The following CHST12 variants were observed in gnomAD, a reference collection of about 807,000 sequenced individuals.
The protein encoded by CHST12 is carbohydrate (chondroitin 4) sulfotransferase 12.
CHST12 carries 23 observed loss-of-function variants against 27.9 expected under a neutral mutation model. The observed-to-expected ratio is 0.82, with a 90% CI of 0.59 to 1.17. The LOEUF is 1.17. Among genes scored for constraint, CHST12 ranks in the 50% most tolerant of loss-of-function variants. CHST12 has a pLI of 0.00. For synonymous variants in CHST12, 322 were observed against 273.0 expected (o/e 1.18, Z -1.77); for missense variants, 682 against 603.0 (o/e 1.13, Z -1.37).
At chr7:2,419,134 C>T (rs1048848409) in intron 1 of CHST12, among the ~76,000 whole-genome samples, 5 of 152,160 alleles carry the variant, frequency 3.3e-5, no homozygotes, top group East Asian at 1.9e-4. Context: ...CTTGGCTGGG[C>T]GTGGTGGCTC....
rs539315666 is a variant in CHST12, at chr7:2,433,976, C to G, written c.*92C>G. 26 of 1,013,290 alleles carry G rather than the reference C, an allele frequency of 2.6e-5. No homozygotes were observed. The African/African-American group carries it at 3.9e-4, about 15-fold the overall frequency. The allele number at this position is 1,013,290 out of a possible 1,614,324, so 62.8% of individuals were successfully genotyped here. A position where few individuals can be genotyped will look rare whatever the true frequency, so the allele number is the denominator to read the frequency against. On this transcript the variant is annotated 3_prime_UTR_variant, in exon 2 of 2. Transcript: ENST00000618655. The surrounding 1 kb of genome is among the most constrained non-coding windows in gnomAD (Gnocchi z 6.1). ...ACCTACGATTTTGCAATCTGGGCTT[C>G]TTGTTCACTCCACTGCCTCTATCCA...
chr7:2,439,307 T>C lies in CHST12; in HGVS notation c.*5423T>C, dbSNP rs1782545629. ...TCATGAGATTTTAGAAACATGTTCT[T>C]ACTCTGCCAGGACCCAGGGATAGGT... On this transcript the variant is annotated 3_prime_UTR_variant, in exon 2 of 2. Transcript: ENST00000618655. 6.6e-6 allele frequency: 1 copy of C among 152,148 alleles called. No homozygotes were observed. The highest frequency in any genetic ancestry group is 6.5e-5 in the Admixed American group (1 of 15,270). 9.4% of individuals were successfully genotyped at this position (152,148 alleles called of 1,614,324 possible).
intron 1 of CHST12, among the ~76,000 whole-genome samples, chr7:2,416,758 G>A (rs188679279): frequency 7.8e-4 from 119 of 152,332 alleles, no homozygotes; most frequent in African/African-American, 2.8e-3. Flanking sequence ...GGGAAGAGGG[G>A]AAGAAAAGGA....
At position 2,432,582 on chromosome 7, in the gene CHST12, G is replaced by C; in HGVS notation, c.-58G>C. On this transcript the variant is annotated 5_prime_UTR_variant, in exon 2 of 2. Coordinates refer to ENST00000618655, the MANE Select transcript of CHST12 (RefSeq NM_018641.5). ...CTGCAGGTTCCCAGCAGGATGCCCC[G>C]GCTCTGCAGGAAGCTGAAGTGAGAG... 3.2e-6 allele frequency: 5 copies of C among 1,543,346 alleles called. No individual in the cohort carries two copies. Among genetic ancestry groups the C allele is most frequent in the Non-Finnish European group, 4.4e-6 (5 of 1,140,410 alleles).
At chr7:2,411,347 G>T (rs1430402959) in intron 1 of CHST12, among the ~76,000 whole-genome samples, 2 of 152,134 alleles carry the variant, frequency 1.3e-5, no homozygotes, top group African/African-American at 4.8e-5. Context: ...CACCTAAAGT[G>T]TTGGGATTAC....
At chr7:2,426,785 G>C (rs1281987280) in intron 1 of CHST12, among the ~76,000 whole-genome samples, 3 of 152,094 alleles carry the variant, frequency 2.0e-5, no homozygotes, top group Non-Finnish European at 4.4e-5. Flanking sequence ...GAGGTCAGGA[G>C]TTCAAGACCA....
intron 1 of CHST12, among the ~76,000 whole-genome samples, chr7:2,411,490 C>T (rs75564592): frequency 3.2e-4 from 28 of 87,534 alleles, no homozygotes; most frequent in Admixed American, 1.2e-3. Flanking sequence ...TAACTTAACT[C>T]TTTTTTTTTT....
At chr7:2,404,631 C>G (rs1349254808) in intron 1 of CHST12, among the ~76,000 whole-genome samples, 1 of 152,180 alleles carries the variant, frequency 6.6e-6, no homozygotes, top group Non-Finnish European at 1.5e-5. Context: ...CCGTGAGCAT[C>G]TGGTGTTGGG....
Position 2,436,865 on chromosome 7 carries a change from C to T in CHST12, c.*2981C>T, listed in dbSNP as rs1424924599. 2.0e-5 allele frequency: 3 copies of T among 152,210 alleles called. No homozygotes were observed. Among genetic ancestry groups the T allele is most frequent in the African/African-American group, 7.2e-5 (3 of 41,446 alleles). The allele number at this position is 152,210 out of a possible 1,614,324, so 9.4% of individuals were successfully genotyped here. On this transcript the variant is annotated 3_prime_UTR_variant, in exon 2 of 2. Transcript: ENST00000618655. The stretch of plus-strand genomic sequence containing the variant: ...GAAGACACCACCCACATCCACGCAC[C>T]TGCTCAGATTCCCGGGCCATGGTCG...
chr7:2,413,363 ATTTTCT>A (rs1562510333), intron 1 of CHST12, among the ~76,000 whole-genome samples: 1 of 152,128 alleles, frequency 6.6e-6, no homozygotes, highest in African/African-American at 2.4e-5. Flanking sequence ...AACCACAAAC[ATTTTCT>A]TTTTAACTTT....
intron 1 of CHST12, among the ~76,000 whole-genome samples, chr7:2,422,573 G>A (rs1472712044): frequency 7.1e-6 from 1 of 140,558 alleles, no homozygotes; most frequent in Non-Finnish European, 1.5e-5. Flanking sequence ...GTCTTGTTCC[G>A]TCACCAGGCT....
In CHST12 at chr7:2,446,718, T is replaced by C. The variant is rs1424939408; in HGVS notation, c.*12834T>C. ...GGAATCCCCCCACCAAGGGACAGAG[T>C]GCAAGGACATGATCGAACAGAAAAA... is the stretch of plus-strand genomic sequence containing the variant. On this transcript the variant is annotated 3_prime_UTR_variant, in exon 2 of 2. Coordinates refer to ENST00000618655, the MANE Select transcript of CHST12 (RefSeq NM_018641.5). The C allele has an allele frequency of 6.5e-6, 1 of 152,756 alleles. No homozygotes were observed. The highest frequency in any genetic ancestry group is 2.4e-5 in the African/African-American group (1 of 41,422). 9.5% of individuals were successfully genotyped at this position (152,756 alleles called of 1,614,324 possible). A position where few individuals can be genotyped will look rare whatever the true frequency, so the allele number is the denominator to read the frequency against.
intron 1 of CHST12, among the ~76,000 whole-genome samples, chr7:2,413,164 C>T (rs957978839): frequency 6.6e-6 from 1 of 152,336 alleles, no homozygotes; most frequent in African/African-American, 2.4e-5. Context: ...CATAAAATGA[C>T]TTGGCCCAGG....
intron 1 of CHST12, among the ~76,000 whole-genome samples, chr7:2,413,276 G>A (rs1781714683): frequency 6.6e-6 from 1 of 152,192 alleles, no homozygotes; most frequent in Non-Finnish European, 1.5e-5. Context: ...CTTCTGTACT[G>A]TGGAAATTGG....
Position 2,443,054 on chromosome 7 carries a change from T to G in CHST12, c.*9170T>G, listed in dbSNP as rs1782658391. ...CTCCTGCCTCAGCCTCCCAAGTAGC[T>G]GGGATTACAGGTGCCCGCCACCATG... On this transcript the variant is annotated 3_prime_UTR_variant, in exon 2 of 2. Transcript: ENST00000618655. The G allele has an allele frequency of 6.6e-6, 1 of 152,256 alleles. No individual in the cohort carries two copies. The highest frequency in any genetic ancestry group is 1.5e-5 in the Non-Finnish European group (1 of 68,082). The allele number at this position is 152,256 out of a possible 1,614,324, so 9.4% of individuals were successfully genotyped here.
intron 1 of CHST12, among the ~76,000 whole-genome samples, chr7:2,412,201 G>C (rs1471125777): frequency 6.6e-6 from 1 of 152,188 alleles, no homozygotes; most frequent in Non-Finnish European, 1.5e-5. Context: ...GTCAGATATA[G>C]TTAACTGAAC....
At chr7:2,409,761 A>C (rs1358273865) in intron 1 of CHST12, among the ~76,000 whole-genome samples, 1 of 152,182 alleles carries the variant, frequency 6.6e-6, no homozygotes, top group Non-Finnish European at 1.5e-5. Context: ...TGTGGCATTG[A>C]ATTGACCCAA....
In CHST12 at chr7:2,437,911, C is replaced by T. The variant is rs1782511850; in HGVS notation, c.*4027C>T. On this transcript the variant is annotated 3_prime_UTR_variant, in exon 2 of 2. Coordinates refer to ENST00000618655, the MANE Select transcript of CHST12 (RefSeq NM_018641.5). ...CACCTCTCTCTCCCCGCCCTGTCTCCTGCACTCAGGTGAGAGGCTGGCAGG... is the reference window on the plus strand; with the variant it reads ...CACCTCTCTCTCCCCGCCCTGTCTCTTGCACTCAGGTGAGAGGCTGGCAGG... 1 of 152,296 alleles carries T rather than the reference C, an allele frequency of 6.6e-6. No homozygotes were observed. The highest frequency in any genetic ancestry group is 1.5e-5 in the Non-Finnish European group (1 of 68,118). The allele number at this position is 152,296 out of a possible 1,614,324, so 9.4% of individuals were successfully genotyped here.
At chr7:2,412,390 C>T (rs1781689623) in intron 1 of CHST12, among the ~76,000 whole-genome samples, 1 of 152,170 alleles carries the variant, frequency 6.6e-6, no homozygotes, top group Admixed American at 6.5e-5. Flanking sequence ...TTGTTGACTA[C>T]AGCGATGGGA....
Sources: allele counts gnomAD v4.1 joint callset (sites outside exome capture counted in the v4.1 genomes callset), GRCh38; gene constraint gnomAD v4.1.1; non-coding constraint Gnocchi (gnomAD v3.1); transcripts MANE v1.5; gene names NCBI Gene and HGNC (gene_info 2026-07-23, HGNC 2026-07-21).